NKAIN3: variants seen among roughly 807,000 people sequenced by gnomAD.
The protein encoded by NKAIN3 is sodium/potassium transporting ATPase interacting 3.
NKAIN3 carries 25 observed loss-of-function variants against 30.2 expected under a neutral mutation model. The observed-to-expected ratio is 0.83, with a 90% CI of 0.60 to 1.16. The LOEUF (loss-of-function observed/expected upper bound fraction) is 1.16. NKAIN3 is among the 50% of genes most tolerant of loss of function. The pLI, the probability that NKAIN3 is intolerant of heterozygous loss-of-function variation, is 0.00. For missense variants in NKAIN3, 225 were observed against 254.1 expected, an observed-to-expected ratio of 0.89 and a Z score of 0.78; for synonymous variants, 91 against 89.6, an observed-to-expected ratio of 1.02 and a Z score of -0.09.
rs60012579 is a variant in NKAIN3 at position 62,305,853 on chromosome 8, G to T, written c.54+56726G>T. Among the ~76,000 whole-genome samples the T allele has an allele frequency of 1.4e-4, 21 of 150,350 alleles. 1 individual carries two copies. The highest frequency in any genetic ancestry group is 5.3e-4 in the African/African-American group (21 of 39,818). ...CATTCGTCAAAATAGCAAATGAGGA[G>T]TTTGACCTGTGAGTCCTGAGCTTAC... is the stretch of plus-strand genomic sequence containing the variant. On this transcript the variant is annotated intron_variant, in intron 1 of 6. Coordinates refer to ENST00000623646, the MANE Select transcript of NKAIN3 (RefSeq NM_001304533.3).
intron 1 of NKAIN3, among the ~76,000 whole-genome samples, chr8:62,435,826 T>A (rs1485635702): frequency 6.6e-6 from 1 of 152,210 alleles, no homozygotes; most frequent in Non-Finnish European, 1.5e-5. Flanking sequence ...TTCATAAGTT[T>A]TTTAAACCTC....
intron 4 of NKAIN3, among the ~76,000 whole-genome samples, chr8:62,802,532 A>G (rs1482926069): frequency 2.0e-5 from 3 of 152,326 alleles, no homozygotes; most frequent in South Asian, 2.1e-4. Flanking sequence ...TAAGTGAAGG[A>G]GAAATAAAAT....
chr8:62,801,153 C>G (rs1221466836), intron 4 of NKAIN3, among the ~76,000 whole-genome samples: 1 of 152,208 alleles, frequency 6.6e-6, no homozygotes, highest in Non-Finnish European at 1.5e-5. Context: ...CTCAAGGAGG[C>G]CTGCCTGCCT....
chr8:62,662,380 C>T (rs142165400), intron 3 of NKAIN3, among the ~76,000 whole-genome samples: 229 of 152,356 alleles, frequency 1.5e-3, no homozygotes, highest in Admixed American at 5.0e-3. Flanking sequence ...GTCACAGTGT[C>T]TTTCTAGGCT....
chr8:62,577,628 A>T (rs1379471512), intron 1 of NKAIN3, among the ~76,000 whole-genome samples: 1 of 150,120 alleles, frequency 6.7e-6, no homozygotes, highest in African/African-American at 2.5e-5. Flanking sequence ...AAAATGCTGC[A>T]TAGAAAAGTT....
intron 4 of NKAIN3, among the ~76,000 whole-genome samples, chr8:62,907,463 G>T (rs921140403): frequency 1.3e-5 from 2 of 152,170 alleles, no homozygotes; most frequent in African/African-American, 4.8e-5. Context: ...AATGTTAATT[G>T]CTGGAACAAT....
chr8:62,562,434 G>A (rs969449108), intron 1 of NKAIN3, among the ~76,000 whole-genome samples: 1 of 152,124 alleles, frequency 6.6e-6, no homozygotes, highest in African/African-American at 2.4e-5. Context: ...CAAGGTTACA[G>A]CAGAAATACT....
At chr8:62,890,095 T>C (rs1821259231) in intron 4 of NKAIN3, among the ~76,000 whole-genome samples, 1 of 152,186 alleles carries the variant, frequency 6.6e-6, no homozygotes. Flanking sequence ...GAATAGGTGA[T>C]AGTTTCAGCT....
intron 1 of NKAIN3, among the ~76,000 whole-genome samples, chr8:62,381,227 C>T (rs1197127662): frequency 1.3e-5 from 2 of 151,992 alleles, no homozygotes; most frequent in African/African-American, 4.8e-5. Flanking sequence ...ATAAGTTCTC[C>T]TGTAGTTAAA....
intron 1 of NKAIN3, among the ~76,000 whole-genome samples, chr8:62,461,604 G>A (rs1221672394): frequency 4.6e-5 from 7 of 152,158 alleles, no homozygotes; most frequent in African/African-American, 7.2e-5. Context: ...ATGATATCTT[G>A]CCAAATAGAG....
intron 3 of NKAIN3, among the ~76,000 whole-genome samples, chr8:62,733,552 T>G (rs1815550921): frequency 6.6e-6 from 1 of 152,202 alleles, no homozygotes. Flanking sequence ...TTCTCTTGAC[T>G]GCGTTTTAAT....
intron 4 of NKAIN3, among the ~76,000 whole-genome samples, chr8:62,853,365 G>A (rs891143450): frequency 3.9e-5 from 6 of 152,064 alleles, no homozygotes; most frequent in African/African-American, 1.2e-4. Flanking sequence ...CGTGAGATGG[G>A]TTTCTTGAAT....
chr8:62,330,046 A>T (rs2129589922), intron 1 of NKAIN3, among the ~76,000 whole-genome samples: 1 of 152,154 alleles, frequency 6.6e-6, no homozygotes, highest in East Asian at 1.9e-4. Flanking sequence ...CAGCCAAATG[A>T]ATGAAAGATT....
chr8:62,444,575 AT>A (rs1216211295), intron 1 of NKAIN3, among the ~76,000 whole-genome samples: 1 of 152,196 alleles, frequency 6.6e-6, no homozygotes, highest in Non-Finnish European at 1.5e-5. Flanking sequence ...TCTTAGTAAT[AT>A]TCCATTAGGT....
At position 62,589,902 on chromosome 8, in the gene NKAIN3, TG is replaced by T. The variant is rs1585983553; in HGVS notation, c.273+109del. On this transcript the variant is annotated intron_variant, in intron 3 of 6. Transcript: ENST00000623646. ...GTGTGTGTGTGTGTGTGTGTGTGTG[TG>T]TGTGTGTGTGTGTATAGAATGATAA... is the stretch of plus-strand genomic sequence containing the variant. The T allele has an allele frequency of 1.2e-5, 6 of 501,102 alleles. No homozygotes were observed. In the East Asian group the frequency reaches 1.9e-4, roughly 16 times the overall value. The allele number at this position is 501,102 out of a possible 1,614,324, so 31.0% of individuals were successfully genotyped here. A position where few individuals can be genotyped will look rare whatever the true frequency, so the allele number is the denominator to read the frequency against.
In NKAIN3 at chr8:62,950,088, A is replaced by C. The variant is rs148350335; in HGVS notation, c.533-3814A>C. On this transcript the variant is annotated intron_variant, in intron 5 of 6. Coordinates refer to ENST00000623646, the MANE Select transcript of NKAIN3 (RefSeq NM_001304533.3). ...AATGCAGTTGCTTTACTTTCTTATC[A>C]GTGTAATATGACTGCCTTTCCCCAA... Among the ~76,000 whole-genome samples, 1,410 of 152,308 alleles carry C rather than the reference A, an allele frequency of 9.3e-3. 22 individuals carry two copies. Among genetic ancestry groups the C allele is most frequent in the African/African-American group, 0.033 (1,362 of 41,564 alleles).
chr8:62,682,401 G>C (rs1813670000), intron 3 of NKAIN3, among the ~76,000 whole-genome samples: 1 of 152,134 alleles, frequency 6.6e-6, no homozygotes, highest in Admixed American at 6.5e-5. Context: ...CAGGGGAACT[G>C]GGAAAAGACC....
chr8:62,694,572 A>C (rs1814093436), intron 3 of NKAIN3, among the ~76,000 whole-genome samples: 1 of 152,118 alleles, frequency 6.6e-6, no homozygotes, highest in Non-Finnish European at 1.5e-5. Flanking sequence ...CCTCAATTCC[A>C]GTAGAACCTC....
intron 5 of NKAIN3, among the ~76,000 whole-genome samples, chr8:62,922,950 C>T (rs1286420340): frequency 6.6e-6 from 1 of 152,080 alleles, no homozygotes; most frequent in Non-Finnish European, 1.5e-5. Flanking sequence ...TGTTTTGCTC[C>T]CCACTGTAAC....
Sources: allele counts gnomAD v4.1 joint callset (sites outside exome capture counted in the v4.1 genomes callset), GRCh38; gene constraint gnomAD v4.1.1; transcripts MANE v1.5; gene names NCBI Gene and HGNC (gene_info 2026-07-23, HGNC 2026-07-21).